The following SCRIB variants were observed in gnomAD, a reference collection of about 807,000 sequenced individuals.
The protein encoded by SCRIB is protein scribble homolog.
SCRIB carries 72 observed loss-of-function variants against 170.0 expected under a neutral mutation model. That is an observed-to-expected ratio of 0.42 (90% CI 0.35 to 0.52). The LOEUF (loss-of-function observed/expected upper bound fraction) is 0.52, where lower values mean the gene tolerates loss of function less well. Ranked by LOEUF, SCRIB falls within the 20% of genes least tolerant of loss-of-function variation. The pLI, the probability that SCRIB is intolerant of heterozygous loss-of-function variation, is 0.02. For synonymous variants in SCRIB, 1,298 were observed against 1,044.3 expected (o/e 1.24, Z -4.68); for missense variants, 2,475 against 2,338.5 (o/e 1.06, Z -1.20).
chr8:143,803,301 C>T (rs1424858017), intron 24 of SCRIB, 82 bp downstream of exon 24: 5 of 1,353,836 alleles, frequency 3.7e-6, no homozygotes, highest in African/African-American at 1.5e-5. Context: ...GGACCCGTCG[C>T]CTGCCCCGAG....
intron 17 of SCRIB, 82 bp downstream of exon 17, chr8:143,806,842 G>T: frequency 9.9e-7 from 1 of 1,009,096 alleles, no homozygotes. Flanking sequence ...TGTTCTCAGG[G>T]CAAGGGGCCT....
intron 28 of SCRIB, 29 bp from the exon 29 acceptor site, chr8:143,793,112 C>T: frequency 7.7e-7 from 1 of 1,290,450 alleles, no homozygotes; most frequent in Non-Finnish European, 1.0e-6. Flanking sequence ...GTGAGCTATG[C>T]TGGGGCAGCT....
At chr8:143,807,965 G>C (rs1554637015) in intron 15 of SCRIB, among the ~76,000 whole-genome samples, 1 of 152,228 alleles carries the variant, frequency 6.6e-6, no homozygotes, top group Admixed American at 6.5e-5. Flanking sequence ...CAGAGAGCAG[G>C]TGAGACCCTT....
intron 1 of SCRIB, among the ~76,000 whole-genome samples, chr8:143,814,399 T>G (rs1341861472): frequency 2.6e-5 from 4 of 151,204 alleles, no homozygotes; most frequent in Non-Finnish European, 5.9e-5. Context: ...CCCTACCCTG[T>G]GTCTTACCTC....
At position 143,803,724 on chromosome 8, in the gene SCRIB, T is replaced by C; in HGVS notation, c.3337A>G (p.Ile1113Val). Residue 1113 changes from isoleucine to valine, a missense_variant, in exon 23 of 37, where the codon ATC becomes GTC. Physicochemically the swap from Ile to Val is conservative, Grantham distance 29. Coordinates refer to ENST00000356994, the MANE Select transcript of SCRIB (RefSeq NM_182706.5). ...CCCCTGGCACCCCCGCGGATGCTGA[T>C]GCCCAGCCTCTCCCCAGGTGCCTTC... is the stretch of plus-strand genomic sequence containing the variant. ...IQKAPGERLG[I>V]SIRGGARGHA... is the part of the protein sequence containing the mutation. 1 of 1,595,012 alleles carries C rather than the reference T, an allele frequency of 6.3e-7. No individual in the cohort carries two copies. Among genetic ancestry groups the C allele is most frequent in the South Asian group, 1.1e-5 (1 of 89,532 alleles).
At chr8:143,806,319 G>T in intron 18 of SCRIB, 88 bp downstream of exon 18, 1 of 1,055,920 alleles carries the variant, frequency 9.5e-7, no homozygotes. Flanking sequence ...GGGAGGCCGG[G>T]AGAAGGCAGC....
chr8:143,803,057 C>T (rs1356525323), intron 24 of SCRIB, among the ~76,000 whole-genome samples: 1 of 152,202 alleles, frequency 6.6e-6, no homozygotes, highest in African/African-American at 2.4e-5. Flanking sequence ...TGATGGGACT[C>T]TGCAGGAGTC....
rs1554636931 is a variant in SCRIB at position 143,807,616 on chromosome 8, T to G, written c.2116-2A>C. 6.2e-7 allele frequency: 1 copy of G among 1,613,554 alleles called. No individual in the cohort carries two copies. ...ATTGGCCTGGTCAAACGACACTCCC[T>G]GTTAGGACAGGACCAGTGAGGCATG... On this transcript the variant is annotated splice_acceptor_variant, in intron 15 of 36. Coordinates refer to ENST00000356994, the MANE Select transcript of SCRIB (RefSeq NM_182706.5). LOFTEE classifies it high-confidence loss of function.
intron 24 of SCRIB, 61 bp downstream of exon 24, chr8:143,803,322 G>T (rs560873384): frequency 2.1e-6 from 3 of 1,436,868 alleles, no homozygotes; most frequent in Non-Finnish European, 1.8e-6. Context: ...AGGTGTCAGC[G>T]GCTCACAACA....
chr8:143,812,726 G>C lies in SCRIB; in HGVS notation c.787+91C>G. ...CTGGGCACACTCAGGATCCTCCCCT[G>C]TGTTCCACACCACACACAGCCCCGA... On this transcript the variant is annotated intron_variant, in intron 8 of 36. Coordinates refer to ENST00000356994, the MANE Select transcript of SCRIB (RefSeq NM_182706.5). 3 of 1,490,048 alleles carry C rather than the reference G, an allele frequency of 2.0e-6. 1 individual carries two copies. The South Asian group carries it at 3.7e-5, about 18-fold the overall frequency. The allele number at this position is 1,490,048 out of a possible 1,614,324, so 92.3% of individuals were successfully genotyped here.
chr8:143,800,821 TGCA>T (rs1356742913), intron 24 of SCRIB, among the ~76,000 whole-genome samples: 5 of 152,256 alleles, frequency 3.3e-5, no homozygotes, highest in Non-Finnish European at 7.3e-5. Context: ...GCCTGCGGCG[TGCA>T]GCGACTGTGC....
chr8:143,804,734 C>G lies in SCRIB; in HGVS notation c.2843G>C (p.Arg948Pro), dbSNP rs782685135. The change falls in exon 21 of 37, where the codon CGG (arginine) becomes CCG (proline). Residue 948 changes from arginine to proline, a missense_variant. Coordinates refer to ENST00000356994, the MANE Select transcript of SCRIB (RefSeq NM_182706.5). ...ASPTIALLLE[R>P]EAGGPLPPSP... ...GGGAGGAAGAGGGCCCCCAGCCTCC[C>G]GCTCCAACAGCAGGGCGATGGTGGG... The G allele has an allele frequency of 2.5e-6, 4 of 1,597,026 alleles. No homozygotes were observed. The Admixed American group carries it at 5.1e-5, about 20-fold the overall frequency.
intron 18 of SCRIB, among the ~76,000 whole-genome samples, 194 bp downstream of exon 18, chr8:143,806,213 A>AGCCCAGGTGGCACTT (rs1815417818): frequency 6.6e-6 from 1 of 152,192 alleles, no homozygotes; most frequent in African/African-American, 2.4e-5. Context: ...GACAACGGAA[A>AGCCCAGGTGGCACTT]GCCCAGGTGG....
At position 143,811,101 on chromosome 8, in the gene SCRIB, G is replaced by T. The variant is rs545605547; in HGVS notation, c.1107-29C>A. 137 of 1,606,526 alleles carry T rather than the reference G, an allele frequency of 8.5e-5. No homozygotes were observed. In the East Asian group the frequency reaches 3.0e-3, roughly 35 times the overall value. ...CGGGCCGGGCGGGCACAGTCAGCAG[G>T]CGTTGGGGCCACGGTTAGGCCCGCA... is the stretch of plus-strand genomic sequence containing the variant. On this transcript the variant is annotated intron_variant, in intron 10 of 36. Coordinates refer to ENST00000356994, the MANE Select transcript of SCRIB (RefSeq NM_182706.5).
At chr8:143,802,436 GC>G (rs1183303684) in intron 24 of SCRIB, among the ~76,000 whole-genome samples, 8 of 152,258 alleles carry the variant, frequency 5.3e-5, no homozygotes, top group Non-Finnish European at 4.4e-5. Flanking sequence ...CCATCTGTGT[GC>G]CGGTGGGGAG....
rs555148335 is a variant in SCRIB, at chr8:143,812,172, C to T, written c.906+94G>A. 27 of 860,526 alleles carry T rather than the reference C, an allele frequency of 3.1e-5. 1 individual carries two copies. The African/African-American group carries it at 3.9e-4, about 13-fold the overall frequency. The allele number at this position is 860,526 out of a possible 1,614,324, so 53.3% of individuals were successfully genotyped here. ...GAGTGGCTCCACGTCAGGCTGCCAC[C>T]AGCACCCCCCAGCAGCAGACACAGG... On this transcript the variant is annotated intron_variant, in intron 9 of 36. Coordinates refer to ENST00000356994, the MANE Select transcript of SCRIB (RefSeq NM_182706.5).
rs1339900226 is a variant in SCRIB at position 143,810,525 on chromosome 8, G to A, written c.1484C>T (p.Ala495Val). 1.9e-6 allele frequency: 3 copies of A among 1,612,780 alleles called. No individual in the cohort carries two copies. The East Asian group carries it at 6.7e-5, about 36-fold the overall frequency. The change falls in exon 13 of 37, where the codon GCC (alanine) becomes GTC (valine). Residue 495 changes from alanine (A) to valine (V), a missense_variant. Ala to Val is a moderately conservative substitution (Grantham distance 64). Coordinates refer to ENST00000356994, the MANE Select transcript of SCRIB (RefSeq NM_182706.5). ...KRSIEGRRSEACPCQPDSGSP... is the reference protein window; with the variant it reads ...KRSIEGRRSEVCPCQPDSGSP... ...CCCAGAGTCTGGCTGGCAAGGGCAGGCCTCGCTCCGCCGCCCCTCGATGCT... is the reference window on the plus strand; with the variant it reads ...CCCAGAGTCTGGCTGGCAAGGGCAGACCTCGCTCCGCCGCCCCTCGATGCT...
In SCRIB at chr8:143,791,742, T is replaced by G; in HGVS notation, c.4696-2A>C. On this transcript the variant is annotated splice_acceptor_variant, in intron 34 of 36. Transcript: ENST00000356994. LOFTEE classifies it high-confidence loss of function. ...GTCAAACTTCTTTCCAGACAAGGGC[T>G]TGAAAGGACAGCGTGAGGGGAGAGG... 6.3e-7 allele frequency: 1 copy of G among 1,594,484 alleles called. No individual in the cohort carries two copies. Among genetic ancestry groups the G allele is most frequent in the Non-Finnish European group, 8.6e-7 (1 of 1,166,744 alleles).
chr8:143,797,140 G>A (rs1554634231), intron 24 of SCRIB, among the ~76,000 whole-genome samples: 1 of 152,192 alleles, frequency 6.6e-6, no homozygotes, highest in East Asian at 1.9e-4. Context: ...AGCACATCCT[G>A]GAGGCAGAAG....
Sources: gnomAD v4.1 joint callset for allele counts (sites outside exome capture counted in the v4.1 genomes callset) on GRCh38, gnomAD v4.1.1 for gene constraint, MANE v1.5 for transcripts, NCBI Gene and HGNC (gene_info 2026-07-23, HGNC 2026-07-21) for gene names.